TUSC3: variants seen among roughly 807,000 people sequenced by gnomAD.
The protein encoded by TUSC3 is tumor suppressor candidate 3, also known as dolichyl-diphosphooligosaccharide--protein glycosyltransferase subunit TUSC3.
TUSC3 carries 45 observed loss-of-function variants against 44.8 expected under a neutral mutation model. That is an observed-to-expected ratio of 1.00 (90% CI 0.79 to 1.29). The LOEUF is 1.29. Ranked by LOEUF, TUSC3 falls within the 50% of genes most tolerant of loss-of-function variation. The pLI is 0.00. For synonymous variants in TUSC3, 212 were observed against 152.9 expected (o/e 1.39, Z -2.85); for missense variants, 519 against 437.9 (o/e 1.19, Z -1.65).
intron 1 of TUSC3, among the ~76,000 whole-genome samples, chr8:15,440,970 G>T (rs28664000): frequency 0.16 from 24,736 of 152,268 alleles, 2,090 homozygotes; most frequent in Middle Eastern, 0.22. Flanking sequence ...GTTCATAGAT[G>T]TAGAGGTGCT....
intron 2 of TUSC3, among the ~76,000 whole-genome samples, chr8:15,518,180 T>C (rs1179583616): frequency 6.6e-6 from 1 of 152,174 alleles, no homozygotes; most frequent in Non-Finnish European, 1.5e-5. Context: ...GGCTTATCTC[T>C]TGAAATCCTC....
intron 6 of TUSC3, among the ~76,000 whole-genome samples, chr8:15,678,273 G>A (rs1348040649): frequency 6.6e-6 from 1 of 152,164 alleles, no homozygotes; most frequent in Non-Finnish European, 1.5e-5. Flanking sequence ...AAGCCATCTA[G>A]TCAAAGAAAT....
At position 15,582,051 on chromosome 8, in the gene TUSC3, G is replaced by T. The variant is rs1288169098; in HGVS notation, c.139-41029G>T. Among the ~76,000 whole-genome samples, 13 of 152,154 alleles carry T rather than the reference G, an allele frequency of 8.5e-5. No homozygotes were observed. In the South Asian group the frequency reaches 1.0e-3, roughly 12 times the overall value. On this transcript the variant is annotated intron_variant, in intron 1 of 10. Transcript: ENST00000503731. Reference sequence around the variant, plus strand: ...AGCCGGTCTGAAAAGCGCAATATTCGGGTGGCAGTGACCCGATTTTCCAGG... The same window carrying T: ...AGCCGGTCTGAAAAGCGCAATATTCTGGTGGCAGTGACCCGATTTTCCAGG...
intron 1 of TUSC3, among the ~76,000 whole-genome samples, chr8:15,422,716 A>G (rs1315090612): frequency 6.6e-6 from 1 of 152,024 alleles, no homozygotes; most frequent in Non-Finnish European, 1.5e-5. Flanking sequence ...CAGTGATATG[A>G]TCAAAGGTCA....
chr8:15,555,276 A>ATTTTTTTTTTTTTT (rs35757466), intron 1 of TUSC3, among the ~76,000 whole-genome samples: 5 of 44,892 alleles, frequency 1.1e-4, no homozygotes, highest in African/African-American at 4.4e-4. Context: ...TGCCAGGCTA[A>ATTTTTTTTTTTTTT]TTTTTTTTTT....
chr8:15,642,555 A>G (rs944921011), intron 2 of TUSC3, among the ~76,000 whole-genome samples: 2 of 152,286 alleles, frequency 1.3e-5, no homozygotes, highest in South Asian at 2.1e-4. Flanking sequence ...GATTCATTAC[A>G]ATAAAGGTCT....
the TUSC3 span, among the ~76,000 whole-genome samples, chr8:15,842,256 C>G: frequency 2.0e-5 from 3 of 152,062 alleles, no homozygotes; most frequent in Non-Finnish European, 4.4e-5. Context: ...AAGTGCATCC[C>G]GACTGATTAT....
chr8:15,461,267 T>G (rs1563257281), intron 1 of TUSC3, among the ~76,000 whole-genome samples: 1 of 152,052 alleles, frequency 6.6e-6, no homozygotes, highest in African/African-American at 2.4e-5. Flanking sequence ...TTCCTAAGTG[T>G]TTTGTTTGTT....
At chr8:15,470,059 C>T (rs1341258746) in intron 1 of TUSC3, among the ~76,000 whole-genome samples, 2 of 151,416 alleles carry the variant, frequency 1.3e-5, no homozygotes, top group African/African-American at 2.4e-5. Context: ...AGTTCAAGAC[C>T]AGCCTGGGAA....
chr8:15,803,832 G>C, the TUSC3 span, among the ~76,000 whole-genome samples: 1 of 152,118 alleles, frequency 6.6e-6, no homozygotes, highest in Non-Finnish European at 1.5e-5. Flanking sequence ...AATTTTATGA[G>C]AATGATGGTT....
chr8:15,556,905 C>T (rs1802289793), intron 1 of TUSC3, among the ~76,000 whole-genome samples: 1 of 147,858 alleles, frequency 6.8e-6, no homozygotes, highest in African/African-American at 2.5e-5. Context: ...TGGATATTAG[C>T]CCTTTGTCAG....
intron 1 of TUSC3, among the ~76,000 whole-genome samples, chr8:15,567,570 G>T (rs1802723433): frequency 6.6e-6 from 1 of 152,114 alleles, no homozygotes; most frequent in South Asian, 2.1e-4. Flanking sequence ...AACCTGAGTA[G>T]CTCTCTTGTA....
At chr8:15,806,551 C>T in the TUSC3 span, 3 of 1,436,804 alleles carry the variant, frequency 2.1e-6, no homozygotes, top group Admixed American at 1.7e-5. Flanking sequence ...AATCACAGAG[C>T]TCTTCATTTC....
chr8:15,811,233 G>A, the TUSC3 span, among the ~76,000 whole-genome samples: 1 of 152,130 alleles, frequency 6.6e-6, no homozygotes, highest in Non-Finnish European at 1.5e-5. Flanking sequence ...ACATAACAAA[G>A]TGAAGGCTTT....
At chr8:15,452,837 T>A (rs538956335) in intron 1 of TUSC3, among the ~76,000 whole-genome samples, 12 of 152,188 alleles carry the variant, frequency 7.9e-5, no homozygotes, top group Non-Finnish European at 1.6e-4. Flanking sequence ...TTCCTTACAG[T>A]AAGCTCCTCT....
intron 2 of TUSC3, among the ~76,000 whole-genome samples, chr8:15,489,827 G>T (rs1256270699): frequency 6.6e-6 from 1 of 152,132 alleles, no homozygotes; most frequent in Non-Finnish European, 1.5e-5. Flanking sequence ...AATCCCCTTG[G>T]CCAACAGATG....
At chr8:15,700,849 C>CTTTTTTTTTTT (rs71211076) in intron 6 of TUSC3, among the ~76,000 whole-genome samples, 2,732 of 90,022 alleles carry the variant, frequency 0.03, 233 homozygotes, top group African/African-American at 0.061. Context: ...ATGGCTGGAG[C>CTTTTTTTTTTT]TTTTTTTTTT....
intron 1 of TUSC3, among the ~76,000 whole-genome samples, chr8:15,472,770 T>C (rs1800511280): frequency 6.6e-6 from 1 of 152,174 alleles, no homozygotes; most frequent in Non-Finnish European, 1.5e-5. Context: ...TGTGACAAGA[T>C]CAAATCCATT....
At chr8:15,523,077 A>G (rs1801318852) in intron 2 of TUSC3, among the ~76,000 whole-genome samples, 1 of 152,130 alleles carries the variant, frequency 6.6e-6, no homozygotes, top group African/African-American at 2.4e-5. Flanking sequence ...ATCACAAGTC[A>G]TGGGTAAGTG....
Sources: gnomAD v4.1 joint callset for allele counts (sites outside exome capture counted in the v4.1 genomes callset) on GRCh38, gnomAD v4.1.1 for gene constraint, MANE v1.5 for transcripts, NCBI Gene and HGNC (gene_info 2026-07-23, HGNC 2026-07-21) for gene names.